The following NLGN4X variants were observed in gnomAD, a reference collection of about 807,000 sequenced individuals.
The protein encoded by NLGN4X is neuroligin 4 X-linked, also known as neuroligin-4, X-linked.
In NLGN4X, 3 loss-of-function variants were observed where a neutral mutation model predicts 40.3. The observed-to-expected ratio is 0.07, with a 90% CI of 0.03 to 0.19. NLGN4X has a LOEUF of 0.19. Among genes scored for constraint, NLGN4X ranks in the 10% least tolerant of loss-of-function variants. NLGN4X has a pLI of 1.00. For synonymous variants in NLGN4X, 270 were observed against 306.8 expected (o/e 0.88, Z 1.25); for missense variants, 382 against 708.3 (o/e 0.54, Z 5.23).
intron 3 of NLGN4X, among the ~76,000 whole-genome samples, chrX:5,989,826 T>C (rs1219386705): frequency 9.0e-6 from 1 of 111,584 alleles, no homozygotes; most frequent in Admixed American, 9.6e-5. Flanking sequence ...ACTCTATATA[T>C]GCAATGTTTT....
chrX:6,197,440 T>TC (rs1923205122), intron 1 of NLGN4X, among the ~76,000 whole-genome samples: 1 of 107,364 alleles, frequency 9.3e-6, no homozygotes, highest in African/African-American at 3.4e-5. Context: ...TTTTTTTTTT[T>TC]TTGTATTTTT....
At chrX:6,219,370 CTT>C (rs1200091421) in intron 1 of NLGN4X, among the ~76,000 whole-genome samples, 4 of 65,970 alleles carry the variant, frequency 6.1e-5, no homozygotes, top group Non-Finnish European at 8.2e-5. Flanking sequence ...TTCTTTTTCT[CTT>C]CTTTCTTTCC....
chrX:5,972,601 C>T (rs2035056660), intron 3 of NLGN4X, among the ~76,000 whole-genome samples: 1 of 111,492 alleles, frequency 9.0e-6, no homozygotes, highest in South Asian at 3.8e-4. Context: ...ATAATTAATA[C>T]AAAATGAAAA....
chrX:5,941,178 GGGGTGT>G (rs1181840869), intron 3 of NLGN4X, among the ~76,000 whole-genome samples: 5,616 of 51,924 alleles, frequency 0.11, 194 homozygotes, highest in Non-Finnish European at 0.13. Context: ...CGTATGCTAG[GGGGTGT>G]GTGTGTGTGT....
intron 1 of NLGN4X, among the ~76,000 whole-genome samples, chrX:6,176,553 T>C (rs1414633902): frequency 9.0e-6 from 1 of 111,704 alleles, no homozygotes; most frequent in East Asian, 2.8e-4. Flanking sequence ...GGTTATCCAG[T>C]GGGTCCACAT....
At chrX:6,126,131 T>A (rs1365416659) in intron 2 of NLGN4X, among the ~76,000 whole-genome samples, 1 of 101,613 alleles carries the variant, frequency 9.8e-6, no homozygotes, top group Admixed American at 1.1e-4. Flanking sequence ...TTGGTCATAA[T>A]CAACATTTAT....
chrX:5,986,843 T>C (rs1018902113), intron 3 of NLGN4X, among the ~76,000 whole-genome samples: 4 of 111,256 alleles, frequency 3.6e-5, no homozygotes, highest in African/African-American at 9.8e-5. Flanking sequence ...AAAAATAAAA[T>C]AGAACTTTTA....
chrX:6,167,874 C>A lies in NLGN4X; in HGVS notation c.-305-16103G>T, dbSNP rs1163620837. On this transcript the variant is annotated intron_variant, in intron 1 of 5. Transcript: ENST00000381095. ...CCTCTCTTTTGAATTATAACCTGAACCATGGCCCTTTGAAATCTCAAACCT... is the reference window on the plus strand; with the variant it reads ...CCTCTCTTTTGAATTATAACCTGAAACATGGCCCTTTGAAATCTCAAACCT... 2.7e-5 allele frequency among the ~76,000 whole-genome samples: 3 copies of A among 111,949 alleles called. No homozygotes were observed. The Admixed American group carries it at 2.8e-4, about 11-fold the overall frequency.
chrX:5,938,571 T>C (rs1193333330), intron 3 of NLGN4X, among the ~76,000 whole-genome samples: 1 of 110,934 alleles, frequency 9.0e-6, no homozygotes, highest in African/African-American at 3.3e-5. Context: ...TAGTTAGGGT[T>C]TGGGTTCAAA....
intron 1 of NLGN4X, among the ~76,000 whole-genome samples, chrX:6,206,988 C>G (rs1924091207): frequency 9.0e-6 from 1 of 110,551 alleles, no homozygotes; most frequent in South Asian, 3.9e-4. Flanking sequence ...ACTAAAATGT[C>G]AAGCCTGGAA....
chrX:5,960,914 A>C (rs7064404), intron 3 of NLGN4X, among the ~76,000 whole-genome samples: 3,560 of 112,230 alleles, frequency 0.032, 142 homozygotes, highest in African/African-American at 0.11. Flanking sequence ...ATTTTTTACA[A>C]AATTATTTTC....
intron 2 of NLGN4X, among the ~76,000 whole-genome samples, chrX:6,138,436 C>G (rs911810157): frequency 2.7e-5 from 3 of 111,541 alleles, no homozygotes; most frequent in African/African-American, 9.8e-5. Flanking sequence ...GTAGAGAGTG[C>G]TCAGGTAAAT....
At chrX:6,213,187 C>T (rs1449669549) in intron 1 of NLGN4X, among the ~76,000 whole-genome samples, 1 of 110,727 alleles carries the variant, frequency 9.0e-6, no homozygotes, top group Non-Finnish European at 1.9e-5. Context: ...CAGTAGTCAC[C>T]GTTGCTAGGG....
chrX:5,909,644 T>TG (rs2032381492), intron 3 of NLGN4X, among the ~76,000 whole-genome samples: 1 of 90,100 alleles, frequency 1.1e-5, no homozygotes, highest in African/African-American at 4.4e-5. Flanking sequence ...ACAGTACGTG[T>TG]GTGGGGGGGG....
intron 2 of NLGN4X, among the ~76,000 whole-genome samples, chrX:6,072,006 C>T (rs1451699986): frequency 9.0e-6 from 1 of 110,817 alleles, no homozygotes; most frequent in Non-Finnish European, 1.9e-5. Flanking sequence ...CCATCCACAG[C>T]AAGCTCGGGT....
At position 5,891,016 on chromosome X, in the gene NLGN4X, C is replaced by T. The variant is rs2031135275; in HGVS notation, c.*1801G>A. ...TTTCTAGAATAACCCACAATGGAGC[C>T]GAGGAACATGATCTTCAAATATCTT... On this transcript the variant is annotated 3_prime_UTR_variant, in exon 6 of 6. Coordinates refer to ENST00000381095, the MANE Select transcript of NLGN4X (RefSeq NM_181332.3). The T allele has an allele frequency of 3.3e-5, 10 of 299,399 alleles. No homozygotes were observed. Among genetic ancestry groups the T allele is most frequent in the South Asian group, 3.1e-4 (10 of 32,082 alleles). 24.7% of individuals were successfully genotyped at this position (299,399 alleles called of 1,213,427 possible).
intron 1 of NLGN4X, among the ~76,000 whole-genome samples, chrX:6,228,220 C>T (rs1158862894): frequency 8.9e-6 from 1 of 111,732 alleles, no homozygotes; most frequent in African/African-American, 3.3e-5. Context: ...AAAACGCTTC[C>T]AAACAACGGT....
intron 1 of NLGN4X, among the ~76,000 whole-genome samples, chrX:6,214,968 T>TA (rs1232447995): frequency 8.9e-6 from 1 of 112,181 alleles, no homozygotes; most frequent in Non-Finnish European, 1.9e-5. Context: ...GCATTCATCA[T>TA]AACTCATAAA....
At chrX:6,024,847 A>G (rs2036648294) in intron 3 of NLGN4X, among the ~76,000 whole-genome samples, 1 of 111,854 alleles carries the variant, frequency 8.9e-6, no homozygotes, top group Non-Finnish European at 1.9e-5. Context: ...CTTGCTTAGC[A>G]TATAATCAAG....
Sources: gnomAD v4.1 joint callset for allele counts (sites outside exome capture counted in the v4.1 genomes callset) on GRCh38, gnomAD v4.1.1 for gene constraint, MANE v1.5 for transcripts, NCBI Gene and HGNC (gene_info 2026-07-23, HGNC 2026-07-21) for gene names.